ANKS1B: variants seen among roughly 807,000 people sequenced by gnomAD.
The protein encoded by ANKS1B is ankyrin repeat and sterile alpha motif domain-containing protein 1B.
In ANKS1B, 36 loss-of-function variants were observed where a neutral mutation model predicts 148.3. That is an observed-to-expected ratio of 0.24 (90% confidence interval 0.19 to 0.32). The LOEUF (loss-of-function observed/expected upper bound fraction) is 0.32. ANKS1B is among the 10% of genes least tolerant of loss of function. ANKS1B has a pLI of 1.00. For synonymous variants in ANKS1B, 542 were observed against 560.8 expected (o/e 0.97, Z 0.47); for missense variants, 1,157 against 1,542.6 (o/e 0.75, Z 4.19).
intron 17 of ANKS1B, among the ~76,000 whole-genome samples, chr12:98,963,443 G>C (rs1255893100): frequency 6.6e-6 from 1 of 152,138 alleles, no homozygotes; most frequent in East Asian, 1.9e-4. Flanking sequence ...CTCCCAAAGT[G>C]CTGGGATTAC....
chr12:99,300,979 C>T (rs983293938), intron 12 of ANKS1B, among the ~76,000 whole-genome samples: 2 of 152,168 alleles, frequency 1.3e-5, no homozygotes, highest in African/African-American at 2.4e-5. Flanking sequence ...GAGGTGCCAC[C>T]AGCAAGCTGG....
At chr12:99,312,888 C>T (rs1024141422) in intron 12 of ANKS1B, among the ~76,000 whole-genome samples, 1 of 151,804 alleles carries the variant, frequency 6.6e-6, no homozygotes, top group Non-Finnish European at 1.5e-5. Context: ...TAAATTAATC[C>T]AAAAACTAGC....
In ANKS1B at chr12:98,946,866, G is replaced by C. The variant is rs1042857550; in HGVS notation, c.2778+106291C>G. Reference sequence around the variant, plus strand: ...GAGGCAGGAGGACCACTTGAGCCCAGGAGTTCGAGACGGCAGTGAGCTATG... The same window carrying C: ...GAGGCAGGAGGACCACTTGAGCCCACGAGTTCGAGACGGCAGTGAGCTATG... On this transcript the variant is annotated intron_variant, in intron 17 of 26. Transcript: ENST00000683438. Among the ~76,000 whole-genome samples, 6 of 145,356 alleles carry C rather than the reference G, an allele frequency of 4.1e-5. No individual in the cohort carries two copies. The Admixed American group carries it at 4.3e-4, about 10-fold the overall frequency.
chr12:99,692,151 T>C (rs1309881340), intron 8 of ANKS1B, among the ~76,000 whole-genome samples: 1 of 152,174 alleles, frequency 6.6e-6, no homozygotes, highest in African/African-American at 2.4e-5. Context: ...GGGAAGAACC[T>C]GATTGGCAAT....
intron 12 of ANKS1B, among the ~76,000 whole-genome samples, chr12:99,381,757 C>T (rs771647838): frequency 3.3e-5 from 5 of 152,182 alleles, no homozygotes; most frequent in Non-Finnish European, 5.9e-5. Flanking sequence ...GGTGGAAAAC[C>T]GACTGCAACT....
intron 1 of ANKS1B, among the ~76,000 whole-genome samples, chr12:99,983,130 G>A (rs1445900203): frequency 6.6e-6 from 1 of 152,184 alleles, no homozygotes; most frequent in Non-Finnish European, 1.5e-5. Flanking sequence ...GCGAAGATAT[G>A]AATGACAATT....
At chr12:99,760,237 T>G (rs2061956225) in intron 8 of ANKS1B, among the ~76,000 whole-genome samples, 1 of 151,744 alleles carries the variant, frequency 6.6e-6, no homozygotes, top group South Asian at 2.1e-4. Context: ...AAATATACAT[T>G]CTTATCACCT....
intron 10 of ANKS1B, among the ~76,000 whole-genome samples, chr12:99,455,251 C>CTCTCTA (rs1453969612): frequency 1.3e-5 from 2 of 152,162 alleles, no homozygotes; most frequent in African/African-American, 4.8e-5. Flanking sequence ...TAAGTAGCCA[C>CTCTCTA]TGACTCTCTA....
Position 99,940,972 on chromosome 12 carries a change from A to G in ANKS1B, c.134+43132T>C. The stretch of plus-strand genomic sequence containing the variant: ...CATATGCCTTCATAACTGCAATGAA[A>G]TATTATGTACGTAATTATTGAATGT... On this transcript the variant is annotated intron_variant, in intron 1 of 26. Transcript: ENST00000683438. Among the ~76,000 whole-genome samples, 2 of 152,182 alleles carry G rather than the reference A, an allele frequency of 1.3e-5. 1 individual carries two copies. Among genetic ancestry groups the G allele is most frequent in the Non-Finnish European group, 2.9e-5 (2 of 68,010 alleles).
intron 12 of ANKS1B, among the ~76,000 whole-genome samples, chr12:99,285,597 C>A (rs1351759903): frequency 6.6e-5 from 10 of 152,168 alleles, no homozygotes; most frequent in African/African-American, 2.4e-4. Flanking sequence ...AAAACACCTT[C>A]ATAAGAACCA....
At chr12:98,928,054 GA>G (rs1426196464) in intron 17 of ANKS1B, among the ~76,000 whole-genome samples, 10 of 143,952 alleles carry the variant, frequency 6.9e-5, no homozygotes, top group South Asian at 2.2e-4. Context: ...GACTGACCAA[GA>G]AAAAAAAAAG....
rs543648306 is a variant in ANKS1B, at chr12:99,364,887, G to A, written c.1756+34744C>T. ...AAGATAGACAAGGGTCCTAGGGGCA[G>A]TGAGAGAAGAGACTTTCTATTTCTG... On this transcript the variant is annotated intron_variant, in intron 12 of 26. Coordinates refer to ENST00000683438, the MANE Select transcript of ANKS1B (RefSeq NM_001352186.2). Among the ~76,000 whole-genome samples the A allele has an allele frequency of 4.6e-5, 7 of 152,318 alleles. No individual in the cohort carries two copies. In the South Asian group the frequency reaches 1.4e-3, roughly 32 times the overall value.
intron 2 of ANKS1B, among the ~76,000 whole-genome samples, chr12:99,818,038 G>A (rs2082087292): frequency 6.6e-6 from 1 of 151,724 alleles, no homozygotes; most frequent in Non-Finnish European, 1.5e-5. Flanking sequence ...AAAATTCAGT[G>A]AAAATGGATT....
chr12:98,768,129 G>A (rs1195051375), intron 25 of ANKS1B, among the ~76,000 whole-genome samples: 2 of 152,096 alleles, frequency 1.3e-5, no homozygotes, highest in Admixed American at 1.3e-4. Context: ...ATGTGTTTCA[G>A]GCCTAGCAAG....
rs549859449 is a variant in ANKS1B at position 99,148,316 on chromosome 12, G to A, written c.2526+5973C>T. Among the ~76,000 whole-genome samples the A allele has an allele frequency of 3.3e-5, 5 of 152,154 alleles. 1 individual carries two copies. The South Asian group carries it at 1.0e-3, about 32-fold the overall frequency. On this transcript the variant is annotated intron_variant, in intron 15 of 26. Coordinates refer to ENST00000683438, the MANE Select transcript of ANKS1B (RefSeq NM_001352186.2). ...AGTTGTATTATATACTGCATTATTA[G>A]AAAATGGGGCAGCATATTTTAATGC...
chr12:99,876,743 AAGAG>A (rs34428817), intron 1 of ANKS1B, among the ~76,000 whole-genome samples: 16 of 150,362 alleles, frequency 1.1e-4, no homozygotes, highest in Non-Finnish European at 1.6e-4. Context: ...AAAAAAAAAA[AAGAG>A]AGAGAGAGGA....
At chr12:99,239,810 C>T (rs2088877171) in intron 14 of ANKS1B, among the ~76,000 whole-genome samples, 1 of 152,118 alleles carries the variant, frequency 6.6e-6, no homozygotes, top group Non-Finnish European at 1.5e-5. Context: ...TCATATCCAG[C>T]CAAATTATGC....
intron 9 of ANKS1B, among the ~76,000 whole-genome samples, chr12:99,649,072 A>G (rs1298729646): frequency 2.0e-5 from 3 of 152,170 alleles, no homozygotes; most frequent in Non-Finnish European, 2.9e-5. Context: ...ATGCTGTCCA[A>G]AGCATCCTGA....
intron 4 of ANKS1B, among the ~76,000 whole-genome samples, chr12:99,782,777 T>C (rs2064495638): frequency 6.6e-6 from 1 of 152,234 alleles, no homozygotes. Flanking sequence ...AATATCATCC[T>C]GGCCCTCATA....
Sources: gnomAD v4.1 joint callset for allele counts (sites outside exome capture counted in the v4.1 genomes callset) on GRCh38, gnomAD v4.1.1 for gene constraint, MANE v1.5 for transcripts, NCBI Gene and HGNC (gene_info 2026-07-23, HGNC 2026-07-21) for gene names.